The following VWA8 variants were observed in gnomAD, a reference collection of about 807,000 sequenced individuals.
The protein encoded by VWA8 is von Willebrand factor A domain-containing protein 8.
VWA8 carries 221 observed loss-of-function variants against 241.5 expected under a neutral mutation model. The observed-to-expected ratio is 0.91, with a 90% CI of 0.82 to 1.02. The LOEUF (loss-of-function observed/expected upper bound fraction) is 1.02, where lower values mean the gene tolerates loss of function less well. Ranked by LOEUF, VWA8 falls within the 50% of genes least tolerant of loss-of-function variation. VWA8 has a pLI of 0.00. For synonymous variants in VWA8, 852 were observed against 827.1 expected (o/e 1.03, Z -0.52); for missense variants, 2,322 against 2,328.7 (o/e 1.00, Z 0.06).
intron 4 of VWA8, among the ~76,000 whole-genome samples, chr13:41,892,434 A>C (rs1874891111): frequency 6.6e-6 from 1 of 152,202 alleles, no homozygotes; most frequent in South Asian, 2.1e-4. Flanking sequence ...ACTCGCCTTC[A>C]TTAGTCTCCA....
chr13:41,919,057 C>A (rs1370832631), intron 2 of VWA8, among the ~76,000 whole-genome samples: 1 of 151,988 alleles, frequency 6.6e-6, no homozygotes, highest in African/African-American at 2.4e-5. Flanking sequence ...CATAAAAAAA[C>A]CAAGCCAAAC....
chr13:41,729,671 C>G lies in VWA8; in HGVS notation c.2509G>C (p.Ala837Pro). Residue 837 changes from alanine to proline, a missense_variant, in exon 23 of 45, where the codon GCA (alanine) becomes CCA (proline). Transcript: ENST00000379310. Reference sequence around the variant, plus strand: ...ACCAGAATATGACCCAACTTTACTGCTTTAACCTTTGACGACAGAAAATTT... The same window carrying G: ...ACCAGAATATGACCCAACTTTACTGGTTTAACCTTTGACGACAGAAAATTT... ...IVYEDSPLVK[A>P]VKLGHILVVD... 1 of 1,604,486 alleles carries G rather than the reference C, an allele frequency of 6.2e-7. No individual in the cohort carries two copies. Among genetic ancestry groups the G allele is most frequent in the African/African-American group, 1.3e-5 (1 of 74,368 alleles).
intron 21 of VWA8, among the ~76,000 whole-genome samples, chr13:41,748,638 A>T (rs2045629084): frequency 6.6e-6 from 1 of 151,838 alleles, no homozygotes; most frequent in Non-Finnish European, 1.5e-5. Flanking sequence ...TTGCCTTCTG[A>T]TGGTACTGGT....
At chr13:41,803,487 G>A (rs1036299962) in intron 17 of VWA8, among the ~76,000 whole-genome samples, 7 of 152,302 alleles carry the variant, frequency 4.6e-5, no homozygotes, top group African/African-American at 1.7e-4. Flanking sequence ...TCACAATCAT[G>A]GCAGAAAGTG....
chr13:41,774,264 G>C (rs569183815), intron 20 of VWA8, among the ~76,000 whole-genome samples: 1 of 152,194 alleles, frequency 6.6e-6, no homozygotes. Flanking sequence ...CTCAGCCTCC[G>C]AAGTAGATGG....
At chr13:41,689,714 G>A (rs1235669921) in intron 33 of VWA8, among the ~76,000 whole-genome samples, 1 of 151,884 alleles carries the variant, frequency 6.6e-6, no homozygotes, top group Non-Finnish European at 1.5e-5. Context: ...AGTATTTACA[G>A]AATTCAAAAT....
intron 9 of VWA8, among the ~76,000 whole-genome samples, chr13:41,879,410 CACACACCT>C (rs1874063680): frequency 6.6e-6 from 1 of 151,116 alleles, no homozygotes; most frequent in South Asian, 2.1e-4. Context: ...CACACACACA[CACACACCT>C]TTCTTCTCTT....
At chr13:41,919,017 G>A (rs1464639848) in intron 2 of VWA8, among the ~76,000 whole-genome samples, 2 of 152,092 alleles carry the variant, frequency 1.3e-5, no homozygotes, top group African/African-American at 4.8e-5. Context: ...CAGTAAGATG[G>A]CTGACTTGAA....
intron 12 of VWA8, among the ~76,000 whole-genome samples, chr13:41,834,585 CAG>C: frequency 6.6e-6 from 1 of 152,064 alleles, no homozygotes; most frequent in East Asian, 1.9e-4. Flanking sequence ...AAAAAAATAA[CAG>C]ATGCTGGCAA....
chr13:41,721,480 G>C lies in VWA8; in HGVS notation c.2854C>G (p.Leu952Val). ...CCAAAGGCAGCCACAAGCTTCTGAA[G>C]GATGGGCTCAGGCACATTTGGTCCA... Reference protein sequence around the residue: ...QYGPNVPEPILQKLVAAFGEL... With the variant: ...QYGPNVPEPIVQKLVAAFGEL... Residue 952 changes from leucine to valine, a missense_variant, in exon 25 of 45, where the codon CTT (leucine) becomes GTT (valine). Physicochemically the swap from Leu to Val is conservative, Grantham distance 32. Coordinates refer to ENST00000379310, the MANE Select transcript of VWA8 (RefSeq NM_015058.2). 6.2e-7 allele frequency: 1 copy of C among 1,613,912 alleles called. No homozygotes were observed. Among genetic ancestry groups the C allele is most frequent in the Non-Finnish European group, 8.5e-7 (1 of 1,179,862 alleles).
chr13:41,693,989 T>G (rs1300887028), intron 29 of VWA8, among the ~76,000 whole-genome samples: 1 of 151,898 alleles, frequency 6.6e-6, no homozygotes, highest in Non-Finnish European at 1.5e-5. Context: ...AAGAATTTCT[T>G]TTGGAGAAAA....
At chr13:41,802,198 G>T (rs865979176) in intron 17 of VWA8, among the ~76,000 whole-genome samples, 1 of 152,202 alleles carries the variant, frequency 6.6e-6, no homozygotes, top group Non-Finnish European at 1.5e-5. Flanking sequence ...CTTGGAGAAA[G>T]AATCTGTGTG....
At chr13:41,754,803 C>T (rs4053767) in intron 21 of VWA8, among the ~76,000 whole-genome samples, 28,672 of 152,026 alleles carry the variant, frequency 0.19, 3,468 homozygotes, top group East Asian at 0.36. Flanking sequence ...CTTATCTCCA[C>T]GAGTTCAATT....
intron 43 of VWA8, 80 bp from the exon 44 acceptor site, chr13:41,570,786 A>G: frequency 1.7e-6 from 2 of 1,198,816 alleles, no homozygotes; most frequent in Admixed American, 2.0e-5. Flanking sequence ...TCTATTGACC[A>G]TGAGCATGCA....
At chr13:41,747,272 A>C (rs1048677379) in intron 21 of VWA8, among the ~76,000 whole-genome samples, 1 of 152,012 alleles carries the variant, frequency 6.6e-6, no homozygotes, top group Non-Finnish European at 1.5e-5. Context: ...CTTTTATTTC[A>C]TTGAGCAGTG....
At chr13:41,930,244 G>A (rs1877041483) in intron 2 of VWA8, among the ~76,000 whole-genome samples, 1 of 152,220 alleles carries the variant, frequency 6.6e-6, no homozygotes, top group Admixed American at 6.5e-5. Context: ...CGGCAAGGGT[G>A]TGGAGAAAAG....
At chr13:41,636,308 C>T (rs1006140448) in intron 37 of VWA8, among the ~76,000 whole-genome samples, 2 of 151,982 alleles carry the variant, frequency 1.3e-5, no homozygotes, top group African/African-American at 4.8e-5. Context: ...ACAAACCTGA[C>T]AAAAACAAGA....
At chr13:41,694,504 ACTT>A (rs1331129725) in intron 29 of VWA8, among the ~76,000 whole-genome samples, 1 of 152,062 alleles carries the variant, frequency 6.6e-6, no homozygotes, top group African/African-American at 2.4e-5. Context: ...ATTCACCACT[ACTT>A]GACAGTTTTG....
intron 17 of VWA8, among the ~76,000 whole-genome samples, chr13:41,788,588 T>C (rs1157722744): frequency 1.3e-5 from 2 of 152,202 alleles, no homozygotes; most frequent in East Asian, 1.9e-4. Context: ...TTGCTGCTCA[T>C]CTCTGAACTT....
Sources: gnomAD v4.1 joint callset for allele counts (sites outside exome capture counted in the v4.1 genomes callset) on GRCh38, gnomAD v4.1.1 for gene constraint, MANE v1.5 for transcripts, NCBI Gene and HGNC (gene_info 2026-07-23, HGNC 2026-07-21) for gene names.